CPVL: variants seen among roughly 807,000 people sequenced by gnomAD.
CPVL encodes the protein probable serine carboxypeptidase CPVL.
Under a neutral mutation model 63.7 loss-of-function variants are expected in CPVL, and 51 were observed. The observed-to-expected ratio is 0.80, with a 90% confidence interval of 0.64 to 1.01. The LOEUF (loss-of-function observed/expected upper bound fraction) is 1.01, where lower values mean the gene tolerates loss of function less well. Ranked by LOEUF, CPVL falls within the 50% of genes least tolerant of loss-of-function variation. The pLI, the probability that CPVL is intolerant of heterozygous loss-of-function variation, is 0.00. For synonymous variants in CPVL, 195 were observed against 206.0 expected, an observed-to-expected ratio of 0.95 and a Z score of 0.46; for missense variants, 530 against 573.1, an observed-to-expected ratio of 0.92 and a Z score of 0.77.
At chr7:29,195,082 G>C in exon 1 of CPVL, 1 of 1,355,798 alleles carries the variant, frequency 7.4e-7, no homozygotes, top group Non-Finnish European at 1.0e-6. Context: ...CCTACCTGTG[G>C]CCATCCCGCC....
At chr7:29,101,789 C>T (rs1337463023) in intron 3 of CPVL, among the ~76,000 whole-genome samples, 2 of 151,946 alleles carry the variant, frequency 1.3e-5, no homozygotes, top group African/African-American at 4.8e-5. Context: ...CTATGGTCCT[C>T]CTCTACACAT....
At chr7:29,071,109 CA>C (rs200845761) in intron 9 of CPVL, among the ~76,000 whole-genome samples, 4 of 144,698 alleles carry the variant, frequency 2.8e-5, no homozygotes, top group South Asian at 2.2e-4. Context: ...GCAAAAAAAG[CA>C]AAAAAAAACA....
chr7:29,020,298 G>T (rs1010608737), intron 12 of CPVL, among the ~76,000 whole-genome samples: 1 of 152,126 alleles, frequency 6.6e-6, no homozygotes, highest in Non-Finnish European at 1.5e-5. Flanking sequence ...TGTAGCAGAT[G>T]GGGGGAGGTA....
chr7:29,123,674 T>G, intron 1 of CPVL, among the ~76,000 whole-genome samples: 1 of 73,278 alleles, frequency 1.4e-5, no homozygotes, highest in Non-Finnish European at 2.7e-5. Context: ...TAAAAAAAAA[T>G]AATGGAAGAA....
chr7:29,183,043 A>G (rs937562132), intron 4 of CPVL, among the ~76,000 whole-genome samples: 2 of 151,384 alleles, frequency 1.3e-5, no homozygotes, highest in Non-Finnish European at 2.9e-5. Context: ...TTCCCATTAT[A>G]TGAGACAGGT....
chr7:29,067,871 C>T (rs1783289758), intron 9 of CPVL, among the ~76,000 whole-genome samples: 1 of 152,044 alleles, frequency 6.6e-6, no homozygotes, highest in African/African-American at 2.4e-5. Flanking sequence ...ATGATTAGGC[C>T]ACGACTCCTG....
intron 6 of CPVL, among the ~76,000 whole-genome samples, chr7:29,087,356 T>C (rs1785313331): frequency 7.0e-6 from 1 of 142,720 alleles, no homozygotes; most frequent in Non-Finnish European, 1.5e-5. Flanking sequence ...CCAGGGAGGC[T>C]GAGGTTGCAG....
At chr7:29,017,987 C>G (rs1311940860) in intron 12 of CPVL, among the ~76,000 whole-genome samples, 1 of 152,136 alleles carries the variant, frequency 6.6e-6, no homozygotes. Context: ...TCATTCCAGC[C>G]ATTAAATACA....
intron 11 of CPVL, among the ~76,000 whole-genome samples, chr7:29,041,798 T>C (rs1789119252): frequency 6.6e-6 from 1 of 152,258 alleles, no homozygotes; most frequent in South Asian, 2.1e-4. Flanking sequence ...CACAGGATTC[T>C]GAAGACTCAG....
At chr7:29,082,552 A>G (rs1015101375) in intron 7 of CPVL, 3 of 152,210 alleles carry the variant, frequency 2.0e-5, no homozygotes, top group African/African-American at 7.2e-5. Flanking sequence ...ATCATTATTT[A>G]GTGTTTTTTC....
chr7:29,161,537 C>T (rs998296923), intron 5 of CPVL, among the ~76,000 whole-genome samples: 1 of 152,092 alleles, frequency 6.6e-6, no homozygotes, highest in South Asian at 2.1e-4. Context: ...TGCTCCTGGT[C>T]CTGGTTATTG....
intron 1 of CPVL, 101 bp downstream of exon 1, chr7:29,146,328 C>A (rs932919558): frequency 1.9e-5 from 9 of 474,906 alleles, no homozygotes; most frequent in African/African-American, 1.6e-4. Flanking sequence ...GTGCTGAGGG[C>A]TTTTGAGACT....
intron 1 of CPVL, among the ~76,000 whole-genome samples, chr7:29,125,634 C>T (rs1430181939): frequency 6.6e-6 from 1 of 151,978 alleles, no homozygotes; most frequent in Non-Finnish European, 1.5e-5. Flanking sequence ...CTCAGGTGAT[C>T]CACCCGCCTC....
intron 1 of CPVL, among the ~76,000 whole-genome samples, chr7:29,132,698 T>C (rs1282614641): frequency 6.6e-6 from 1 of 152,204 alleles, no homozygotes; most frequent in Non-Finnish European, 1.5e-5. Context: ...CCTCCTGCCT[T>C]GCTCTTCTTT....
chr7:29,111,712 A>G (rs1458702500), intron 3 of CPVL, among the ~76,000 whole-genome samples: 2 of 152,220 alleles, frequency 1.3e-5, no homozygotes, highest in Non-Finnish European at 2.9e-5. Flanking sequence ...GAGAGCAGGA[A>G]AGAAAAGTCA....
At chr7:29,185,967 C>T (rs527287686) in intron 2 of CPVL, among the ~76,000 whole-genome samples, 1 of 152,246 alleles carries the variant, frequency 6.6e-6, no homozygotes, top group East Asian at 1.9e-4. Flanking sequence ...TTATTTAATT[C>T]CTTCAGTTCC....
At chr7:29,165,430 G>T (rs1422609532) in intron 5 of CPVL, among the ~76,000 whole-genome samples, 1 of 151,838 alleles carries the variant, frequency 6.6e-6, no homozygotes, top group Non-Finnish European at 1.5e-5. Context: ...GTGTGTGTAG[G>T]TTTCTTAGAT....
At chr7:29,155,740 C>A (rs752924221) in intron 5 of CPVL, among the ~76,000 whole-genome samples, 3 of 152,182 alleles carry the variant, frequency 2.0e-5, no homozygotes, top group Non-Finnish European at 2.9e-5. Flanking sequence ...CCTCCCTCAT[C>A]GGGAGCCAGG....
At chr7:29,020,911 C>T (rs1419799151) in intron 12 of CPVL, among the ~76,000 whole-genome samples, 1 of 152,168 alleles carries the variant, frequency 6.6e-6, no homozygotes, top group East Asian at 1.9e-4. Flanking sequence ...CGTGGTGGCT[C>T]ATACCTGTAA....
Sources: allele counts gnomAD v4.1 joint callset (sites outside exome capture counted in the v4.1 genomes callset), GRCh38; gene constraint gnomAD v4.1.1; transcripts MANE v1.5; gene names NCBI Gene and HGNC (gene_info 2026-07-23, HGNC 2026-07-21).